CDCA7L: variants seen among roughly 807,000 people sequenced by gnomAD.
The protein encoded by CDCA7L is cell division cycle-associated 7-like protein.
A neutral mutation model predicts 57.4 loss-of-function variants in CDCA7L; 44 were observed. The ratio of observed to expected loss-of-function variants is 0.77; its 90% CI spans 0.60 to 0.98. CDCA7L has a LOEUF of 0.98. Ranked by LOEUF, CDCA7L falls within the 50% of genes least tolerant of loss-of-function variation. The probability of loss-of-function intolerance (pLI) is 0.00; values close to 1 mark genes in which losing one functional copy is unlikely to be tolerated. For synonymous variants in CDCA7L, 236 were observed against 202.8 expected, an observed-to-expected ratio of 1.16 and a Z score of -1.39; for missense variants, 644 against 580.6, an observed-to-expected ratio of 1.11 and a Z score of -1.12.
intron 2 of CDCA7L, 59 bp from the exon 3 acceptor site, chr7:21,911,813 G>A (rs1785338374): frequency 3.9e-6 from 6 of 1,530,058 alleles, no homozygotes; most frequent in Non-Finnish European, 5.3e-6. Flanking sequence ...TACCAGGGAA[G>A]GGTAGAATGA....
intron 9 of CDCA7L, 156 bp downstream of exon 9, chr7:21,902,822 G>T (rs2128055700): frequency 1.5e-6 from 1 of 665,376 alleles, no homozygotes; most frequent in Non-Finnish European, 2.5e-6. Context: ...TCAGGCCTGA[G>T]CTTTTCCAAT....
chr7:21,930,024 AG>A (rs1785956573), intron 1 of CDCA7L, among the ~76,000 whole-genome samples: 1 of 152,232 alleles, frequency 6.6e-6, no homozygotes, highest in African/African-American at 2.4e-5. Flanking sequence ...CATTCTTCTC[AG>A]CACCACATCA....
intron 1 of CDCA7L, among the ~76,000 whole-genome samples, chr7:21,944,050 G>C (rs1477304641): frequency 1.3e-5 from 2 of 152,132 alleles, no homozygotes; most frequent in Admixed American, 6.5e-5. Context: ...ATAAATTCCA[G>C]ATACATTTTC....
chr7:21,912,629 T>C (rs995612576), intron 2 of CDCA7L, among the ~76,000 whole-genome samples: 1 of 152,078 alleles, frequency 6.6e-6, no homozygotes, highest in Non-Finnish European at 1.5e-5. Context: ...ACAGCGAGCT[T>C]CTCTGTAGGA....
At chr7:21,935,046 A>G (rs765730563) in intron 1 of CDCA7L, among the ~76,000 whole-genome samples, 1 of 152,204 alleles carries the variant, frequency 6.6e-6, no homozygotes, top group East Asian at 1.9e-4. Context: ...GAGCAACATT[A>G]TAAACCAACT....
chr7:21,908,542 ACT>A, intron 3 of CDCA7L, 35 bp from the exon 4 acceptor site: 2 of 1,436,152 alleles, frequency 1.4e-6, no homozygotes, highest in Non-Finnish European at 1.8e-6. Context: ...GCACAAAGAC[ACT>A]GTTACAGACC....
At chr7:21,927,276 G>A (rs1004560927) in intron 1 of CDCA7L, among the ~76,000 whole-genome samples, 2 of 152,038 alleles carry the variant, frequency 1.3e-5, no homozygotes, top group Non-Finnish European at 2.9e-5. Context: ...AAGAACTAAC[G>A]TGAATCTGGA....
rs771515346 is a variant in CDCA7L at position 21,908,169 on chromosome 7, C to T, written c.642G>A (p.Leu214=). ...CCTTGATGTTCATGGTCCTTTTCAG[C>T]AAAGCATCTGAACTCTCCTGGCTCT... ...RDESQESSDA[L]LKRTMNIKEN... The change falls in exon 4 of 10, where the codon TTG becomes TTA. Residue 214 remains leucine (L), a synonymous_variant. Coordinates refer to ENST00000406877, the MANE Select transcript of CDCA7L (RefSeq NM_018719.5). The T allele has an allele frequency of 6.3e-7, 1 of 1,581,706 alleles. No homozygotes were observed.
intron 1 of CDCA7L, among the ~76,000 whole-genome samples, chr7:21,938,393 A>G (rs1786239174): frequency 6.6e-6 from 1 of 152,140 alleles, no homozygotes; most frequent in African/African-American, 2.4e-5. Context: ...AAAATCCAGG[A>G]AAGAACTAGG....
chr7:21,938,165 G>C (rs1315597704), intron 1 of CDCA7L, among the ~76,000 whole-genome samples: 1 of 152,038 alleles, frequency 6.6e-6, no homozygotes. Flanking sequence ...TATCTAATAA[G>C]GGATTAATAT....
chr7:21,933,417 T>A (rs1487555925), intron 1 of CDCA7L, among the ~76,000 whole-genome samples: 3 of 152,152 alleles, frequency 2.0e-5, no homozygotes, highest in Non-Finnish European at 1.5e-5. Context: ...CCATCAATGA[T>A]AGACTGGATA....
intron 1 of CDCA7L, among the ~76,000 whole-genome samples, chr7:21,924,245 C>G (rs1227789232): frequency 6.6e-6 from 1 of 152,152 alleles, no homozygotes; most frequent in African/African-American, 2.4e-5. Flanking sequence ...TTTAGGCCAA[C>G]TGATACAAGG....
At chr7:21,911,005 A>G (rs868731832) in intron 3 of CDCA7L, among the ~76,000 whole-genome samples, 2 of 122,424 alleles carry the variant, frequency 1.6e-5, no homozygotes, top group African/African-American at 6.8e-5. Flanking sequence ...CTCTTGAGAT[A>G]ATTTTTTTTT....
At position 21,905,513 on chromosome 7, in the gene CDCA7L, T is replaced by A; in HGVS notation, c.1040A>T (p.Lys347Ile). The change falls in exon 7 of 10, where the codon AAA becomes ATA. Residue 347 changes from lysine to isoleucine, a missense_variant. Coordinates refer to ENST00000406877, the MANE Select transcript of CDCA7L (RefSeq NM_018719.5). ...AATTAATGTATACTTTACCAGAACT[T>A]TATCATAGATTTTATCTCGAACAGT... is the stretch of plus-strand genomic sequence containing the variant. ...AITVRDKIYD[K>I]VLGNTCHQCR... The A allele has an allele frequency of 6.2e-7, 1 of 1,613,532 alleles. No homozygotes were observed. The highest frequency in any genetic ancestry group is 8.5e-7 in the Non-Finnish European group (1 of 1,179,802).
chr7:21,945,862 C>A lies in CDCA7L; in HGVS notation c.-58G>T, dbSNP rs955734974. 1.6e-5 allele frequency: 25 copies of A among 1,552,456 alleles called. No individual in the cohort carries two copies. Among genetic ancestry groups the A allele is most frequent in the Admixed American group, 5.8e-5 (3 of 51,612 alleles). ...ACGCGGCCACGGGAGCCCGGACTCA[C>A]CACGGCCCGGCGCACCAAGAACGCC... On this transcript the variant is annotated 5_prime_UTR_variant, in exon 1 of 10. Transcript: ENST00000406877.
At chr7:21,904,329 A>G in intron 7 of CDCA7L, 70 bp from the exon 8 acceptor site, 2 of 1,415,330 alleles carry the variant, frequency 1.4e-6, no homozygotes, top group African/African-American at 1.4e-5. Flanking sequence ...AGATGCCACC[A>G]TGTGCATTTC....
At chr7:21,926,439 A>T (rs1785829979) in intron 1 of CDCA7L, among the ~76,000 whole-genome samples, 1 of 152,222 alleles carries the variant, frequency 6.6e-6, no homozygotes, top group African/African-American at 2.4e-5. Flanking sequence ...ATTTCTTACA[A>T]CTCAAGAAAA....
intron 1 of CDCA7L, among the ~76,000 whole-genome samples, chr7:21,939,467 T>C (rs892594679): frequency 1.2e-4 from 18 of 152,160 alleles, no homozygotes; most frequent in Non-Finnish European, 2.1e-4. Flanking sequence ...AGCAGATGAG[T>C]ACCTAATGAA....
intron 2 of CDCA7L, among the ~76,000 whole-genome samples, chr7:21,915,304 G>A (rs1361915827): frequency 6.6e-6 from 1 of 152,122 alleles, no homozygotes; most frequent in Non-Finnish European, 1.5e-5. Flanking sequence ...GTGAGTTTCA[G>A]ATCTCCCTTA....
Sources: allele counts gnomAD v4.1 joint callset (sites outside exome capture counted in the v4.1 genomes callset), GRCh38; gene constraint gnomAD v4.1.1; transcripts MANE v1.5; gene names NCBI Gene and HGNC (gene_info 2026-07-23, HGNC 2026-07-21).